Variants in FBN3 observed in about 807,000 individuals in gnomAD.
FBN3 encodes the protein fibrillin 3.
FBN3 carries 234 observed loss-of-function variants against 330.1 expected under a neutral mutation model. The observed-to-expected ratio is 0.71, with a 90% CI of 0.64 to 0.79. The LOEUF (loss-of-function observed/expected upper bound fraction) is 0.79, where lower values mean the gene tolerates loss of function less well. Among genes scored for constraint, FBN3 ranks in the 30% least tolerant of loss-of-function variants. The probability of loss-of-function intolerance (pLI) is 0.00; values close to 1 mark genes in which losing one functional copy is unlikely to be tolerated. For synonymous variants in FBN3, 1,458 were observed against 1,517.3 expected (o/e 0.96, Z 0.91); for missense variants, 3,606 against 3,886.9 (o/e 0.93, Z 1.92).
intron 5 of FBN3, among the ~76,000 whole-genome samples, chr19:8,145,638 GC>G (rs1462244092): frequency 1.4e-5 from 2 of 139,872 alleles, no homozygotes; most frequent in African/African-American, 5.4e-5. Context: ...CCGAGATCTT[GC>G]CACTGCACTC....
intron 61 of FBN3, 81 bp downstream of exon 61, chr19:8,074,990 T>C: frequency 6.6e-7 from 1 of 1,515,050 alleles, no homozygotes; most frequent in Non-Finnish European, 8.9e-7. Flanking sequence ...CACATCATCT[T>C]GCAGGGTGGC....
At position 8,138,230 on chromosome 19, in the gene FBN3, A is replaced by G. The variant is rs148024558; in HGVS notation, c.1112T>C (p.Met371Thr). The change falls in exon 10 of 64, where the codon ATG (methionine) becomes ACG (threonine). Residue 371 changes from methionine to threonine, a missense_variant. Coordinates refer to ENST00000600128, the MANE Select transcript of FBN3 (RefSeq NM_032447.5). ...TCGCGCTGGCCCAAGAGGGGGACCC[A>G]TGCCATTGGATCCGAAGCCCAGGAG... ...PGLLGFGSNG[M>T]GPPLGPARLN... 1.3e-3 allele frequency: 2,017 copies of G among 1,611,980 alleles called. 3 individuals are homozygous for G. Among genetic ancestry groups the G allele is most frequent in the African/African-American group, 8.1e-3 (608 of 74,938 alleles).
In FBN3 at chr19:8,081,933, A is replaced by T. The variant is rs1265141867; in HGVS notation, c.7214-453T>A. Among the ~76,000 whole-genome samples the T allele has an allele frequency of 5.4e-5, 8 of 148,988 alleles. No individual in the cohort carries two copies. The South Asian group carries it at 1.1e-3, about 21-fold the overall frequency. On this transcript the variant is annotated intron_variant, in intron 57 of 63. Transcript: ENST00000600128. The stretch of plus-strand genomic sequence containing the variant: ...AGGGTGGGGGTGGGAGAACGAAAGG[A>T]TCCTCCCTCCCTCCCTCCCTCCCTT...
In FBN3 at chr19:8,146,124, C is replaced by A. The variant is rs777134609; in HGVS notation, c.349+3G>T. ...CTCCCGCAAGAGGCCGCTTCCCGCT[C>A]ACCTCGGCTCACCCCGCAGCTGGGA... On this transcript the variant is annotated splice_donor_region_variant and intron_variant, in intron 4 of 63. Coordinates refer to ENST00000600128, the MANE Select transcript of FBN3 (RefSeq NM_032447.5). The A allele has an allele frequency of 3.8e-6, 6 of 1,585,676 alleles. No individual in the cohort carries two copies. The highest frequency in any genetic ancestry group is 3.5e-5 in the South Asian group (3 of 86,448).
rs531396713 is a variant in FBN3, at chr19:8,129,903, T to A, written c.2045-538A>T. On this transcript the variant is annotated intron_variant, in intron 16 of 63. Coordinates refer to ENST00000600128, the MANE Select transcript of FBN3 (RefSeq NM_032447.5). This position sits in a 1 kb window ranked among gnomAD's most constrained non-coding sequence, Gnocchi z 4.5. ...CGAGACCCATGTCTATAAAAAGCAATTTTTTTTTTTTTGAGATAGGGTCTC... is the reference window on the plus strand; with the variant it reads ...CGAGACCCATGTCTATAAAAAGCAAATTTTTTTTTTTTGAGATAGGGTCTC... Among the ~76,000 whole-genome samples, 8 of 141,826 alleles carry A rather than the reference T, an allele frequency of 5.6e-5. 1 individual carries two copies. The East Asian group carries it at 1.6e-3, about 28-fold the overall frequency. The allele number at this position is 141,826 out of a possible 152,430, so 93.0% of individuals were successfully genotyped here.
intron 39 of FBN3, among the ~76,000 whole-genome samples, chr19:8,103,358 C>T (rs1306043201): frequency 2.0e-5 from 3 of 151,838 alleles, no homozygotes; most frequent in Admixed American, 6.6e-5. Context: ...CTTTTTTCAG[C>T]CTTTTTTGAG....
chr19:8,126,177 G>A (rs1051268711), intron 21 of FBN3, 120 bp downstream of exon 21: 49 of 1,413,438 alleles, frequency 3.5e-5, no homozygotes, highest in East Asian at 9.6e-5. Flanking sequence ...TAGGGAGAAC[G>A]TCTGTCCCCA....
chr19:8,073,175 G>A lies in FBN3; in HGVS notation c.7825C>T (p.Gln2609Ter), dbSNP rs2081562986. ...CGTCCGGCGCACTCATCCACCTCCT[G>A]GCAGCCCCCGAGGGCCTGATCAAAG... ...FDFDQALGGC[Q>*]EVDECAGRRG... Residue 2609 changes from glutamine (Q) to a stop codon, truncating the protein, a stop_gained, in exon 62 of 64, where the codon CAG becomes TAG. Coordinates refer to ENST00000600128, the MANE Select transcript of FBN3 (RefSeq NM_032447.5). LOFTEE classifies it high-confidence loss of function. The A allele has an allele frequency of 6.2e-7, 1 of 1,613,902 alleles. No homozygotes were observed. The highest frequency in any genetic ancestry group is 1.7e-5 in the Admixed American group (1 of 60,002).
At position 8,081,101 on chromosome 19, in the gene FBN3, G is replaced by T; in HGVS notation, c.7355C>A (p.Ser2452Tyr). The T allele has an allele frequency of 6.2e-7, 1 of 1,613,826 alleles. No individual in the cohort carries two copies. Residue 2452 changes from serine (S) to tyrosine (Y), a missense_variant, in exon 59 of 64, where the codon TCC (serine) becomes TAC (tyrosine). By Grantham distance (144) the Ser-to-Tyr change is moderately radical. Coordinates refer to ENST00000600128, the MANE Select transcript of FBN3 (RefSeq NM_032447.5). ...RTCKDLDECT[S>Y]RQHNCQFLCV... ...GAGGAACTGACAGTTGTGCTGCCGG[G>T]AGGTGCATTCGTCCAGGTCTGCAGC...
intron 37 of FBN3, among the ~76,000 whole-genome samples, chr19:8,107,613 T>C (rs941803260): frequency 2.1e-5 from 3 of 141,108 alleles, no homozygotes; most frequent in Middle Eastern, 5.0e-3. Context: ...AGATGGGGGA[T>C]AGATGAAGGA....
chr19:8,117,574 G>C lies in FBN3; in HGVS notation c.3353C>G (p.Ser1118Cys). Reference sequence around the variant, plus strand: ...ATGGGGACACAGGCCATCACTCAGGGAGCACTCATCGATGTCTGTGGGGGA... The same window carrying C: ...ATGGGGACACAGGCCATCACTCAGGCAGCACTCATCGATGTCTGTGGGGGA... The part of the protein sequence containing the change: ...GTACEDIDEC[S>C]LSDGLCPHGQ... Residue 1118 changes from serine to cysteine, a missense_variant, in exon 27 of 64, where the codon TCC becomes TGC. Physicochemically the swap from Ser to Cys is moderately radical, Grantham distance 112. Coordinates refer to ENST00000600128, the MANE Select transcript of FBN3 (RefSeq NM_032447.5). 1 of 1,553,024 alleles carries C rather than the reference G, an allele frequency of 6.4e-7. No individual in the cohort carries two copies.
intron 16 of FBN3, among the ~76,000 whole-genome samples, chr19:8,130,617 A>AAGGAAGGAAGG (rs1568440057): frequency 1.4e-4 from 2 of 14,538 alleles, no homozygotes; most frequent in Non-Finnish European, 3.0e-4. Flanking sequence ...AGAAAGAAAG[A>AAGGAAGGAAGG]AAGAAAGAAA....
rs2083188552 is a variant in FBN3, at chr19:8,133,059, G to A, written c.1639C>T (p.Leu547Phe). 1 of 1,586,826 alleles carries A rather than the reference G, an allele frequency of 6.3e-7. No individual in the cohort carries two copies. Among genetic ancestry groups the A allele is most frequent in the South Asian group, 1.1e-5 (1 of 87,010 alleles). The change falls in exon 14 of 64, where the codon CTC (leucine) becomes TTC (phenylalanine). Residue 547 changes from leucine to phenylalanine, a missense_variant. Leu to Phe is a conservative substitution (Grantham distance 22). Transcript: ENST00000600128. The part of the protein sequence containing the change: ...TSTMCVNGVC[L>F]NEDGSFSCLC... ...CAGGAGAAGCTGCCATCCTCGTTGA[G>A]ACACACGCCGTTGACGCACATGGTG...
rs577733644 is a variant in FBN3 at position 8,070,895 on chromosome 19, G to A, written c.8088+1153C>T. 1.3e-3 allele frequency among the ~76,000 whole-genome samples: 202 copies of A among 152,106 alleles called. 1 individual carries two copies. The highest frequency in any genetic ancestry group is 4.4e-3 in the African/African-American group (183 of 41,498). On this transcript the variant is annotated intron_variant, in intron 63 of 63. Transcript: ENST00000600128. ...GAATTAGCTGGGCGTGGTGGTGCAC[G>A]CCTGTAATCCCAGCTACTCGGGCGG...
At chr19:8,074,853 C>T (rs182303910) in intron 61 of FBN3, 143 of 527,622 alleles carry the variant, frequency 2.7e-4, no homozygotes, top group Non-Finnish European at 4.3e-4. Context: ...TCCTCCAGGC[C>T]ACCATGCCCT....
In FBN3 at chr19:8,075,410, G is replaced by A; in HGVS notation, c.7455C>T (p.Asp2485=). 6.2e-7 allele frequency: 1 copy of A among 1,612,314 alleles called. No homozygotes were observed. The highest frequency in any genetic ancestry group is 1.1e-5 in the South Asian group (1 of 90,956). The change falls in exon 60 of 64, where the codon GAC becomes GAT. Residue 2485 remains aspartate, a splice_region_variant and synonymous_variant. Coordinates refer to ENST00000600128, the MANE Select transcript of FBN3 (RefSeq NM_032447.5). Reference sequence around the variant, plus strand: ...CAGGCTGGGCTGAGCACTCATCATTGTCTGCAGAGGAGAGAGATCAGGCAG... The same window carrying A: ...CAGGCTGGGCTGAGCACTCATCATTATCTGCAGAGGAGAGAGATCAGGCAG... ...GFTQHHQACF[D]NDECSAQPGP... is the part of the protein sequence containing the mutation.
intron 22 of FBN3, 67 bp from the exon 23 acceptor site, chr19:8,124,075 C>T (rs1386288046): frequency 1.3e-5 from 18 of 1,341,530 alleles, no homozygotes; most frequent in East Asian, 4.9e-5. Flanking sequence ...ACAGGCGTGC[C>T]GCTCAGTCAC....
chr19:8,119,347 C>A (rs1038735104), intron 25 of FBN3, among the ~76,000 whole-genome samples: 1 of 152,182 alleles, frequency 6.6e-6, no homozygotes, highest in Non-Finnish European at 1.5e-5. Flanking sequence ...GGCTCAGTCC[C>A]GCCAGGACTC....
At chr19:8,087,348 G>C in intron 53 of FBN3, 137 bp from the exon 54 acceptor site, 2 of 979,644 alleles carry the variant, frequency 2.0e-6, no homozygotes, top group Non-Finnish European at 2.9e-6. Flanking sequence ...ATCCCTCTTA[G>C]GAAGGGAGCC....
Sources: allele counts gnomAD v4.1 joint callset (sites outside exome capture counted in the v4.1 genomes callset), GRCh38; gene constraint gnomAD v4.1.1; non-coding constraint Gnocchi (gnomAD v3.1); transcripts MANE v1.5; gene names NCBI Gene and HGNC (gene_info 2026-07-23, HGNC 2026-07-21).